Variants in SCAPER observed in about 807,000 individuals in gnomAD.
SCAPER encodes the protein S-phase cyclin A associated protein in the ER.
SCAPER carries 98 observed loss-of-function variants against 182.2 expected under a neutral mutation model. The ratio of observed to expected loss-of-function variants is 0.54; its 90% CI spans 0.46 to 0.64. The LOEUF is 0.64. Among genes scored for constraint, SCAPER ranks in the 30% least tolerant of loss-of-function variants. The pLI is 0.00. For missense variants in SCAPER, 1,432 were observed against 1,690.0 expected (o/e 0.85, Z 2.68); for synonymous variants, 605 against 564.6 (o/e 1.07, Z -1.01).
In SCAPER at chr15:76,692,696, G is replaced by GAAAA. The variant is rs71143354; in HGVS notation, c.2508+9058_2508+9061dup. ...AGAGCAAGATTCTGTTTCAAAAAAA[G>GAAAA]AAAAAAAAAAAAAAAAGGAAAAGGA... On this transcript the variant is annotated intron_variant, in intron 20 of 31. Transcript: ENST00000563290. Among the ~76,000 whole-genome samples, 185 of 98,814 alleles carry GAAAA rather than the reference G, an allele frequency of 1.9e-3. 3 individuals carry two copies. The highest frequency in any genetic ancestry group is 0.011 in the South Asian group (36 of 3,168). 64.8% of individuals were successfully genotyped at this position (98,814 alleles called of 152,430 possible).
At chr15:76,575,407 T>A (rs2047744574) in intron 22 of SCAPER, among the ~76,000 whole-genome samples, 2 of 152,212 alleles carry the variant, frequency 1.3e-5, no homozygotes, top group South Asian at 4.1e-4. Flanking sequence ...TTTGCTTTCA[T>A]AAGATGATCC....
At chr15:76,584,158 A>C (rs908809903) in intron 22 of SCAPER, among the ~76,000 whole-genome samples, 1 of 152,218 alleles carries the variant, frequency 6.6e-6, no homozygotes, top group Non-Finnish European at 1.5e-5. Flanking sequence ...AAGTGAAATA[A>C]ACCAGGTGAA....
intron 20 of SCAPER, among the ~76,000 whole-genome samples, chr15:76,669,968 A>T (rs2056895378): frequency 6.6e-6 from 1 of 152,208 alleles, no homozygotes; most frequent in Non-Finnish European, 1.5e-5. Flanking sequence ...TCACTAAACA[A>T]AAAAACTTGG....
At chr15:76,418,667 TC>T (rs1242378825) in intron 26 of SCAPER, among the ~76,000 whole-genome samples, 1 of 152,252 alleles carries the variant, frequency 6.6e-6, no homozygotes, top group Non-Finnish European at 1.5e-5. Context: ...GCTGGCTGGA[TC>T]CTAGGCCAGA....
intron 15 of SCAPER, among the ~76,000 whole-genome samples, chr15:76,747,830 G>A (rs1387565594): frequency 6.6e-6 from 1 of 152,014 alleles, no homozygotes; most frequent in Non-Finnish European, 1.5e-5. Flanking sequence ...CATGCTTCTT[G>A]TACAGCCTAC....
At chr15:76,378,839 G>A (rs1276821502) in intron 28 of SCAPER, among the ~76,000 whole-genome samples, 1 of 152,150 alleles carries the variant, frequency 6.6e-6, no homozygotes, top group Admixed American at 6.5e-5. Context: ...CAAGTCACAT[G>A]GAGAAGCAGT....
chr15:76,779,773 G>A (rs1048466724), intron 8 of SCAPER, among the ~76,000 whole-genome samples: 3 of 151,310 alleles, frequency 2.0e-5, no homozygotes, highest in African/African-American at 7.3e-5. Context: ...CTCATGAACT[G>A]AGACGCAAAC....
chr15:76,609,086 A>G (rs1305001494), intron 22 of SCAPER, among the ~76,000 whole-genome samples: 1 of 152,216 alleles, frequency 6.6e-6, no homozygotes, highest in Non-Finnish European at 1.5e-5. Context: ...TCAGTTGGAA[A>G]TGCAGAAATC....
At position 76,665,666 on chromosome 15, in the gene SCAPER, G is replaced by A. The variant is rs2056518849; in HGVS notation, c.2632C>T (p.Arg878Trp). 19 of 1,591,614 alleles carry A rather than the reference G, an allele frequency of 1.2e-5. No homozygotes were observed. Among genetic ancestry groups the A allele is most frequent in the East Asian group, 2.2e-5 (1 of 44,616 alleles). Residue 878 changes from arginine (R) to tryptophan (W), a missense_variant, in exon 21 of 32, where the codon CGG becomes TGG. This residue lies in a region of SCAPER where 718 missense variants were observed against 799.7 expected (regional missense o/e 0.90). Transcript: ENST00000563290. The stretch of plus-strand genomic sequence containing the variant: ...TATTTAAGGTACCTGAAGTTCATCC[G>A]GGCTTTTATCTTTTTGGCTTTTTTT... ...NKKKAKKIKA[R>W]MNFRAKEYES...
chr15:76,578,176 C>T (rs937654786), intron 22 of SCAPER, among the ~76,000 whole-genome samples: 8 of 152,084 alleles, frequency 5.3e-5, no homozygotes, highest in Admixed American at 3.9e-4. Context: ...GGTGTCAGCT[C>T]AACCACAGTA....
intron 21 of SCAPER, among the ~76,000 whole-genome samples, chr15:76,651,231 A>G (rs145266313): frequency 1.4e-3 from 208 of 152,306 alleles, no homozygotes; most frequent in African/African-American, 4.6e-3. Flanking sequence ...AACAAAATTG[A>G]TAAATTCTAG....
At chr15:76,894,947 A>G (rs1379522764) in intron 1 of SCAPER, among the ~76,000 whole-genome samples, 2 of 152,204 alleles carry the variant, frequency 1.3e-5, no homozygotes, top group African/African-American at 4.8e-5. Context: ...GGCGAATTCT[A>G]CCAAACATTT....
chr15:76,707,532 T>C (rs1426342873), intron 17 of SCAPER, among the ~76,000 whole-genome samples: 1 of 152,152 alleles, frequency 6.6e-6, no homozygotes, highest in Non-Finnish European at 1.5e-5. Flanking sequence ...AAGAGGAATA[T>C]TTTATAATGA....
chr15:76,423,780 C>T (rs910021553), intron 26 of SCAPER, among the ~76,000 whole-genome samples: 8 of 152,206 alleles, frequency 5.3e-5, no homozygotes, highest in Non-Finnish European at 1.2e-4. Flanking sequence ...TCCCTCTACA[C>T]ACTGCTTTAA....
intron 23 of SCAPER, among the ~76,000 whole-genome samples, chr15:76,519,942 T>C (rs929967881): frequency 6.6e-6 from 1 of 152,212 alleles, no homozygotes; most frequent in African/African-American, 2.4e-5. Context: ...TAGTATACCC[T>C]TAATGTTCTT....
At chr15:76,733,677 C>T (rs1324261188) in intron 15 of SCAPER, among the ~76,000 whole-genome samples, 1 of 152,034 alleles carries the variant, frequency 6.6e-6, no homozygotes, top group Admixed American at 6.6e-5. Context: ...TTGCTGGAAC[C>T]CAGGAGCCAG....
At chr15:76,398,462 C>T (rs1263451606) in intron 27 of SCAPER, among the ~76,000 whole-genome samples, 1 of 152,178 alleles carries the variant, frequency 6.6e-6, no homozygotes, top group African/African-American at 2.4e-5. Flanking sequence ...AGCACAGGGC[C>T]TGGCACAGAG....
At chr15:76,510,888 T>TGTGTGTGTGTGC (rs1491205462) in intron 23 of SCAPER, among the ~76,000 whole-genome samples, 3 of 141,090 alleles carry the variant, frequency 2.1e-5, no homozygotes, top group African/African-American at 7.8e-5. Flanking sequence ...TGTGTGTGTG[T>TGTGTGTGTGTGC]GCGCGCGCGC....
chr15:76,472,463 CT>C, intron 24 of SCAPER: 47 of 468,690 alleles, frequency 1.0e-4, no homozygotes, highest in Admixed American at 1.9e-4. Context: ...ATTTGTTTTA[CT>C]TTTTTTTACT....
Sources: gnomAD v4.1 joint callset for allele counts (sites outside exome capture counted in the v4.1 genomes callset) on GRCh38, gnomAD v4.1.1 for gene constraint, gnomAD v4.1.1 regional missense constraint, MANE v1.5 for transcripts, NCBI Gene and HGNC (gene_info 2026-07-23, HGNC 2026-07-21) for gene names.